Variants in BNC2 observed in about 807,000 individuals in gnomAD.
The protein encoded by BNC2 is zinc finger protein basonuclin-2.
Under a neutral mutation model 76.3 loss-of-function variants are expected in BNC2, and 20 were observed. The observed-to-expected ratio is 0.26, with a 90% confidence interval of 0.18 to 0.38. The LOEUF (loss-of-function observed/expected upper bound fraction) is 0.38. Ranked by LOEUF, BNC2 falls within the 10% of genes least tolerant of loss-of-function variation. The pLI is 1.00. For synonymous variants in BNC2, 582 were observed against 514.8 expected, an observed-to-expected ratio of 1.13 and a Z score of -1.77; for missense variants, 1,382 against 1,399.8, an observed-to-expected ratio of 0.99 and a Z score of 0.20.
intron 2 of BNC2, among the ~76,000 whole-genome samples, chr9:16,738,007 A>G (rs1182362999): frequency 1.3e-5 from 2 of 152,190 alleles, no homozygotes; most frequent in East Asian, 3.9e-4. Flanking sequence ...CTATTAATAT[A>G]GTATTATTAT....
intron 5 of BNC2, among the ~76,000 whole-genome samples, chr9:16,510,489 A>G (rs1479135735): frequency 1.3e-5 from 2 of 152,204 alleles, no homozygotes; most frequent in Non-Finnish European, 2.9e-5. Context: ...GCTTACCCTT[A>G]CATTTGGTGT....
chr9:16,636,936 T>C (rs1821346211), intron 3 of BNC2, among the ~76,000 whole-genome samples: 1 of 151,712 alleles, frequency 6.6e-6, no homozygotes, highest in Non-Finnish European at 1.5e-5. Context: ...AATATATATA[T>C]ATATGTATTT....
chr9:16,792,149 C>T (rs1040016794), intron 1 of BNC2, among the ~76,000 whole-genome samples: 2 of 150,796 alleles, frequency 1.3e-5, no homozygotes, highest in African/African-American at 4.9e-5. Context: ...ACCAACTATA[C>T]ACTCAGTATG....
rs1315402754 is a variant in BNC2 at position 16,552,768 on chromosome 9, G to T, written c.434-3C>A. On this transcript the variant is annotated splice_polypyrimidine_tract_variant and splice_region_variant and intron_variant, in intron 4 of 6. Coordinates refer to ENST00000380672, the MANE Select transcript of BNC2 (RefSeq NM_017637.6). ...CTGCGTGCTGAGCTTATCCAAGGCT[G>T]TGGTGGTCCCGCCAAAGTTCCAGAG... 1 of 1,613,312 alleles carries T rather than the reference G, an allele frequency of 6.2e-7. No individual in the cohort carries two copies.
chr9:16,582,107 G>A (rs1320152368), intron 4 of BNC2, among the ~76,000 whole-genome samples: 1 of 152,022 alleles, frequency 6.6e-6, no homozygotes, highest in Non-Finnish European at 1.5e-5. Context: ...TGGGAATGAA[G>A]AATATGTCCA....
chr9:16,658,997 T>A (rs1822016289), intron 3 of BNC2, among the ~76,000 whole-genome samples: 1 of 152,228 alleles, frequency 6.6e-6, no homozygotes, highest in Non-Finnish European at 1.5e-5. Context: ...ACTGTCTCTT[T>A]TTTTGAATGT....
chr9:16,596,808 G>C (rs756444116), intron 3 of BNC2, among the ~76,000 whole-genome samples: 1 of 152,032 alleles, frequency 6.6e-6, no homozygotes, highest in South Asian at 2.1e-4. Flanking sequence ...AGGTGATTGT[G>C]GTTGTAGATT....
chr9:16,589,152 C>T (rs1047869939), intron 3 of BNC2, among the ~76,000 whole-genome samples: 2 of 152,088 alleles, frequency 1.3e-5, no homozygotes, highest in African/African-American at 4.8e-5. Context: ...GTTCATTAAC[C>T]TTCACCAATC....
chr9:16,728,706 A>G (rs1317474751), intron 2 of BNC2, among the ~76,000 whole-genome samples: 1 of 151,972 alleles, frequency 6.6e-6, no homozygotes, highest in African/African-American at 2.4e-5. Context: ...ATGTGACCTT[A>G]TACTCTAAAG....
At chr9:16,457,939 G>C in intron 5 of BNC2, among the ~76,000 whole-genome samples, 1 of 152,140 alleles carries the variant, frequency 6.6e-6, no homozygotes, top group Non-Finnish European at 1.5e-5. Context: ...CCAACATAAA[G>C]AGAGATTCTG....
intron 6 of BNC2, among the ~76,000 whole-genome samples, chr9:16,424,591 T>C (rs552678946): frequency 6.6e-6 from 1 of 152,314 alleles, no homozygotes; most frequent in Admixed American, 6.5e-5. Context: ...AACAATAACA[T>C]ATACATACCA....
At chr9:16,640,747 A>G (rs751650440) in intron 3 of BNC2, among the ~76,000 whole-genome samples, 1 of 152,156 alleles carries the variant, frequency 6.6e-6, no homozygotes, top group Admixed American at 6.5e-5. Context: ...TCAAATTTGT[A>G]AACTTCAGCT....
rs75359525 is a variant in BNC2 at position 16,428,439 on chromosome 9, A to G, written c.2639+7116T>C. Reference sequence around the variant, plus strand: ...CATCAATGTGATAAAGTTACTTCATACATCACTTTCCGAGATGTAGATGTC... The same window carrying G: ...CATCAATGTGATAAAGTTACTTCATGCATCACTTTCCGAGATGTAGATGTC... On this transcript the variant is annotated intron_variant, in intron 6 of 6. Coordinates refer to ENST00000380672, the MANE Select transcript of BNC2 (RefSeq NM_017637.6). 9.5e-3 allele frequency among the ~76,000 whole-genome samples: 1,446 copies of G among 152,308 alleles called. 19 individuals carry two copies. The highest frequency in any genetic ancestry group is 0.033 in the African/African-American group (1,386 of 41,544).
rs142930786 is a variant in BNC2, at chr9:16,470,733, G to A, written c.670-33209C>T. On this transcript the variant is annotated intron_variant, in intron 5 of 6. Coordinates refer to ENST00000380672, the MANE Select transcript of BNC2 (RefSeq NM_017637.6). ...CGCAGATGCACAGAAGTCAAGAATC[G>A]AAGTTTCGGAACCTCCGCCTAGATT... Among the ~76,000 whole-genome samples the A allele has an allele frequency of 3.0e-3, 454 of 152,310 alleles. 11 individuals are homozygous for A. In the East Asian group the frequency reaches 0.061, roughly 21 times the overall value.
rs778430903 is a variant in BNC2 at position 16,834,859 on chromosome 9, C to CT, written c.3+35786dup. ...CCCCCATCTCCGCATATTAGTTTTG[C>CT]TTTTTTTTTTAAGTGAGATGTTAAT... On this transcript the variant is annotated intron_variant, in intron 1 of 6. Coordinates refer to ENST00000380672, the MANE Select transcript of BNC2 (RefSeq NM_017637.6). Among the ~76,000 whole-genome samples, 123 of 147,986 alleles carry CT rather than the reference C, an allele frequency of 8.3e-4. 2 individuals are homozygous for CT. The South Asian group carries it at 0.019, about 23-fold the overall frequency.
intron 5 of BNC2, among the ~76,000 whole-genome samples, chr9:16,479,030 T>A (rs555335007): frequency 2.3e-4 from 35 of 152,254 alleles, no homozygotes; most frequent in Non-Finnish European, 4.3e-4. Flanking sequence ...AGTGGGCAGA[T>A]AACCTGAGAT....
intron 3 of BNC2, among the ~76,000 whole-genome samples, chr9:16,661,564 G>A (rs1023706420): frequency 6.6e-6 from 1 of 152,018 alleles, no homozygotes; most frequent in Non-Finnish European, 1.5e-5. Flanking sequence ...TTTCCTCTCT[G>A]CACTCAGGGA....
At chr9:16,525,093 T>C (rs977454303) in intron 5 of BNC2, among the ~76,000 whole-genome samples, 2 of 148,536 alleles carry the variant, frequency 1.3e-5, no homozygotes, top group African/African-American at 4.9e-5. Flanking sequence ...GGGAAGGAGA[T>C]TGAAATTCAC....
chr9:16,666,641 T>C (rs531296260), intron 3 of BNC2, among the ~76,000 whole-genome samples: 1 of 152,224 alleles, frequency 6.6e-6, no homozygotes, highest in African/African-American at 2.4e-5. Flanking sequence ...ACTGGGTGAT[T>C]CTGGAGCTAA....
Sources: gnomAD v4.1 joint callset for allele counts (sites outside exome capture counted in the v4.1 genomes callset) on GRCh38, gnomAD v4.1.1 for gene constraint, MANE v1.5 for transcripts, NCBI Gene and HGNC (gene_info 2026-07-23, HGNC 2026-07-21) for gene names.